The following LGR6 variants were observed in gnomAD, a reference collection of about 807,000 sequenced individuals.
LGR6 encodes the protein leucine-rich repeat-containing G protein-coupled receptor 6.
In LGR6, 45 loss-of-function variants were observed where a neutral mutation model predicts 69.4. The observed-to-expected ratio is 0.65, with a 90% CI of 0.51 to 0.83. LGR6 has a LOEUF of 0.83. LGR6 is among the 40% of genes least tolerant of loss of function. LGR6 has a pLI of 0.00. For missense variants in LGR6, 1,108 were observed against 1,246.7 expected, an observed-to-expected ratio of 0.89 and a Z score of 1.68; for synonymous variants, 538 against 555.0, an observed-to-expected ratio of 0.97 and a Z score of 0.43.
chr1:202,229,505 T>C (rs746233623), intron 3 of LGR6, among the ~76,000 whole-genome samples: 2 of 152,234 alleles, frequency 1.3e-5, no homozygotes, highest in Non-Finnish European at 2.9e-5. Context: ...AGAGCAGGGC[T>C]CTGTTTACTG....
chr1:202,231,247 G>A (rs1222574056), intron 3 of LGR6, among the ~76,000 whole-genome samples: 1 of 152,220 alleles, frequency 6.6e-6, no homozygotes, highest in Non-Finnish European at 1.5e-5. Flanking sequence ...TTTACTCTGT[G>A]CCTGGCTAGG....
At chr1:202,205,465 C>CACACACACACCTCCAA (rs1659162671) in intron 1 of LGR6, among the ~76,000 whole-genome samples, 1 of 14,792 alleles carries the variant, frequency 6.8e-5, no homozygotes, top group African/African-American at 1.6e-4. Flanking sequence ...CACCTCCAAA[C>CACACACACACCTCCAA]ACACACACAC....
At chr1:202,286,948 T>C (rs542478873) in intron 6 of LGR6, among the ~76,000 whole-genome samples, 2 of 152,234 alleles carry the variant, frequency 1.3e-5, no homozygotes, top group South Asian at 4.1e-4. Flanking sequence ...CTGCTGGCAA[T>C]GGGGACAAAA....
At chr1:202,256,793 A>G (rs1267573676) in intron 4 of LGR6, among the ~76,000 whole-genome samples, 1 of 151,910 alleles carries the variant, frequency 6.6e-6, no homozygotes, top group Non-Finnish European at 1.5e-5. Flanking sequence ...ACACTGTCAA[A>G]CTCTTTTCCA....
At chr1:202,304,842 A>C (rs1457966279) in intron 11 of LGR6, among the ~76,000 whole-genome samples, 1 of 152,198 alleles carries the variant, frequency 6.6e-6, no homozygotes, top group Admixed American at 6.5e-5. Flanking sequence ...CACTCTTTAA[A>C]GTCTCTGAGC....
chr1:202,245,057 A>G (rs1250881492), intron 4 of LGR6, among the ~76,000 whole-genome samples: 1 of 152,144 alleles, frequency 6.6e-6, no homozygotes, highest in African/African-American at 2.4e-5. Context: ...TCTGCCTGCA[A>G]GCTGTGCAGG....
At chr1:202,286,804 A>G (rs1666424130) in intron 6 of LGR6, among the ~76,000 whole-genome samples, 1 of 152,074 alleles carries the variant, frequency 6.6e-6, no homozygotes, top group Non-Finnish European at 1.5e-5. Flanking sequence ...TGAGCTGCCC[A>G]ATGAGTTTGT....
chr1:202,211,073 G>A (rs1443975360), intron 1 of LGR6, among the ~76,000 whole-genome samples: 5 of 152,214 alleles, frequency 3.3e-5, no homozygotes, highest in Non-Finnish European at 5.9e-5. Context: ...GGAATCCTGT[G>A]AAGATCCAGG....
At chr1:202,266,519 A>G (rs977698818) in intron 4 of LGR6, among the ~76,000 whole-genome samples, 3 of 143,882 alleles carry the variant, frequency 2.1e-5, no homozygotes, top group East Asian at 2.0e-4. Flanking sequence ...CCCAATGCCT[A>G]CAATTTAAAG....
At chr1:202,286,890 G>T (rs192011656) in intron 6 of LGR6, among the ~76,000 whole-genome samples, 6 of 152,254 alleles carry the variant, frequency 3.9e-5, no homozygotes, top group East Asian at 1.9e-4. Context: ...GCCCTGGTGT[G>T]GGGGGTAGCC....
In LGR6 at chr1:202,194,707, G is replaced by GGGA. The variant is rs767769162; in HGVS notation, c.212+508_212+509insAGG. 2,679 of 280,960 alleles carry GGGA rather than the reference G, an allele frequency of 9.5e-3. 132 individuals are homozygous for GGGA. Among genetic ancestry groups the GGGA allele is most frequent in the Non-Finnish European group, 0.013 (1,743 of 139,346 alleles). 17.4% of individuals were successfully genotyped at this position (280,960 alleles called of 1,614,324 possible). A position where few individuals can be genotyped will look rare whatever the true frequency, so the allele number is the denominator to read the frequency against. ...AGGCTGGGTGGCCTTCGTGGGGGCG[G>GGGA]GGGGGGCGGGTTTCCTAGAAGCTGG... On this transcript the variant is annotated intron_variant, in intron 1 of 17. Transcript: ENST00000367278.
intron 9 of LGR6, among the ~76,000 whole-genome samples, chr1:202,302,059 T>C (rs188259261): frequency 1.1e-3 from 174 of 152,166 alleles, no homozygotes; most frequent in African/African-American, 4.1e-3. Context: ...TGGTGGTGCA[T>C]GCCTGTAGTC....
chr1:202,264,446 C>T (rs532325821), intron 4 of LGR6, among the ~76,000 whole-genome samples: 2 of 152,336 alleles, frequency 1.3e-5, no homozygotes, highest in South Asian at 4.2e-4. Context: ...TCTTCCTCTA[C>T]CAACCACAGC....
chr1:202,305,566 C>A (rs560169595), intron 11 of LGR6, 118 bp from the exon 12 acceptor site: 2 of 808,570 alleles, frequency 2.5e-6, no homozygotes, highest in East Asian at 2.4e-5. Context: ...CCTGTGGGGT[C>A]CCCACAGCCT....
chr1:202,276,892 T>G (rs909972708), intron 5 of LGR6, among the ~76,000 whole-genome samples: 19 of 152,222 alleles, frequency 1.2e-4, no homozygotes, highest in African/African-American at 4.6e-4. Context: ...AATTAGATGA[T>G]GCAGTCATAT....
At position 202,227,880 on chromosome 1, in the gene LGR6, T is replaced by TCAC. The variant is rs372391999; in HGVS notation, c.285-51_285-49dup. ...ATCTCAAGACACTTTCTTATGGAGG[T>TCAC]CACCACCTCCTTGGGTTACCTGCCA... On this transcript the variant is annotated intron_variant, in intron 2 of 17. Coordinates refer to ENST00000367278, the MANE Select transcript of LGR6 (RefSeq NM_001017403.2). 7,308 of 1,255,498 alleles carry TCAC rather than the reference T, an allele frequency of 5.8e-3. 40 individuals are homozygous for TCAC. Among genetic ancestry groups the TCAC allele is most frequent in the Non-Finnish European group, 7.5e-3 (6,441 of 854,092 alleles). 77.8% of individuals were successfully genotyped at this position (1,255,498 alleles called of 1,614,324 possible).
intron 6 of LGR6, among the ~76,000 whole-genome samples, chr1:202,296,462 C>T (rs149750387): frequency 7.3e-4 from 111 of 152,298 alleles, no homozygotes; most frequent in African/African-American, 2.6e-3. Context: ...CTCTACTTCC[C>T]AGTCACTCTG....
rs141900117 is a variant in LGR6 at position 202,317,990 on chromosome 1, G to A, written c.1687G>A (p.Gly563Ser). ...KPCEYLFESW[G>S]IRLAVWAIVL... Reference sequence around the variant, plus strand: ...CTGTGAGTACCTCTTTGAAAGCTGGGGCATCCGCCTGGCCGTGTGGGCCAT... The same window carrying A: ...CTGTGAGTACCTCTTTGAAAGCTGGAGCATCCGCCTGGCCGTGTGGGCCAT... The change falls in exon 18 of 18, where the codon GGC becomes AGC. Residue 563 changes from glycine to serine, a missense_variant. Coordinates refer to ENST00000367278, the MANE Select transcript of LGR6 (RefSeq NM_001017403.2). 1.1e-3 allele frequency: 1,822 copies of A among 1,613,682 alleles called. 15 individuals are homozygous for A. The African/African-American group carries it at 0.022, about 19-fold the overall frequency.
intron 4 of LGR6, among the ~76,000 whole-genome samples, chr1:202,252,751 G>C (rs1457839810): frequency 6.6e-6 from 1 of 152,252 alleles, no homozygotes; most frequent in African/African-American, 2.4e-5. Flanking sequence ...AGTTTGGAAA[G>C]GGCTCCATGC....
Sources: gnomAD v4.1 joint callset for allele counts (sites outside exome capture counted in the v4.1 genomes callset) on GRCh38, gnomAD v4.1.1 for gene constraint, MANE v1.5 for transcripts, NCBI Gene and HGNC (gene_info 2026-07-23, HGNC 2026-07-21) for gene names.